The following ANKZF1 variants were observed in gnomAD, a reference collection of about 807,000 sequenced individuals.
ANKZF1 encodes tRNA endonuclease ANKZF1.
In ANKZF1, 84 loss-of-function variants were observed where a neutral mutation model predicts 86.0. That is an observed-to-expected ratio of 0.98 (90% CI 0.82 to 1.17). The LOEUF (loss-of-function observed/expected upper bound fraction) is 1.17. ANKZF1 is among the 50% of genes most tolerant of loss of function. ANKZF1 has a pLI of 0.00. For missense variants in ANKZF1, 893 were observed against 918.4 expected, an observed-to-expected ratio of 0.97 and a Z score of 0.36; for synonymous variants, 331 against 354.2, an observed-to-expected ratio of 0.93 and a Z score of 0.74.
rs201539288 is a variant in ANKZF1, at chr2:219,230,336, C to G, written c.79C>G (p.Gln27Glu). The change falls in exon 2 of 14, where the codon CAG becomes GAG. Residue 27 changes from glutamine to glutamate, a missense_variant. Gln to Glu is a conservative substitution (Grantham distance 29, BLOSUM62 2). Coordinates refer to ENST00000323348, the MANE Select transcript of ANKZF1 (RefSeq NM_018089.3). The part of the protein sequence containing the change: ...FDLSADAPVF[Q>E]GLSLVSHAPG... ...CCTCAGCGCGGATGCTCCGGTCTTT[C>G]AGGGCCTGAGCCTGGTGAGCCACGC... 2.4e-4 allele frequency: 391 copies of G among 1,614,126 alleles called. 1 individual carries two copies. The African/African-American group carries it at 4.8e-3, about 20-fold the overall frequency.
rs367763893 is a variant in ANKZF1, at chr2:219,232,377, G to C, written c.364+15G>C. The C allele has an allele frequency of 7.4e-6, 12 of 1,613,508 alleles. No individual in the cohort carries two copies. The highest frequency in any genetic ancestry group is 1.0e-5 in the Non-Finnish European group (12 of 1,179,528). On this transcript the variant is annotated intron_variant, in intron 4 of 13. Transcript: ENST00000323348. ...GAGCTCCACAGGTGATGAGTGGTAG[G>C]GGGACCTATGTAGGAGTAGGACATG...
At chr2:219,233,460 G>A (rs954627887) in intron 7 of ANKZF1, 27 bp downstream of exon 7, 7 of 1,565,280 alleles carry the variant, frequency 4.5e-6, no homozygotes, top group Middle Eastern at 1.7e-4. Flanking sequence ...AGATCTGGTG[G>A]TACTGATCCA....
intron 5 of ANKZF1, 137 bp from the exon 6 acceptor site, chr2:219,232,942 A>C (rs1023505542): frequency 3.1e-6 from 3 of 955,962 alleles, no homozygotes; most frequent in African/African-American, 3.3e-5. Context: ...CCAAGCCTCA[A>C]ATTTCCTTGT....
rs1178714250 is a variant in ANKZF1 at position 219,236,023 on chromosome 2, C to T, written c.1985C>T (p.Ala662Val). ...LSDREKRALA[A>V]ERRLAAQLGA... Reference sequence around the variant, plus strand: ...TGTCTCCCTCAGAGAGCTCTGGCTGCAGAGCGCCGACTCGCTGCCCAGTTG... The same window carrying T: ...TGTCTCCCTCAGAGAGCTCTGGCTGTAGAGCGCCGACTCGCTGCCCAGTTG... Residue 662 changes from alanine (A) to valine (V), a missense_variant, in exon 13 of 14, where the codon GCA becomes GTA. Coordinates refer to ENST00000323348, the MANE Select transcript of ANKZF1 (RefSeq NM_018089.3). 3.1e-6 allele frequency: 5 copies of T among 1,614,210 alleles called. No homozygotes were observed. The highest frequency in any genetic ancestry group is 2.2e-5 in the East Asian group (1 of 44,886).
chr2:219,234,307 A>G lies in ANKZF1; in HGVS notation c.1204+19A>G. 6.2e-7 allele frequency: 1 copy of G among 1,613,838 alleles called. No individual in the cohort carries two copies. The highest frequency in any genetic ancestry group is 1.1e-5 in the South Asian group (1 of 91,082). Reference sequence around the variant, plus strand: ...AAACAGGGTTTGATTACTATCTGGCAACTGTCAGATCTGAGTTTCTGTCCT... The same window carrying G: ...AAACAGGGTTTGATTACTATCTGGCGACTGTCAGATCTGAGTTTCTGTCCT... On this transcript the variant is annotated intron_variant, in intron 9 of 13. Coordinates refer to ENST00000323348, the MANE Select transcript of ANKZF1 (RefSeq NM_018089.3).
chr2:219,235,550 A>G lies in ANKZF1; in HGVS notation c.1768A>G (p.Lys590Glu), dbSNP rs1951187571. ...TRNEFRRFME[K>E]NPDAYDYNKA... ...TAATGAGTTCCGAAGGTTCATGGAG[A>G]AGAATCCAGATGCCTACGATTACAA... The change falls in exon 11 of 14, where the codon AAG (lysine) becomes GAG (glutamate). Residue 590 changes from lysine to glutamate, a missense_variant. Lys to Glu is a moderately conservative substitution (Grantham distance 56). Transcript: ENST00000323348. 2.5e-6 allele frequency: 4 copies of G among 1,614,010 alleles called. No individual in the cohort carries two copies. Among genetic ancestry groups the G allele is most frequent in the Non-Finnish European group, 3.4e-6 (4 of 1,180,014 alleles).
intron 11 of ANKZF1, 28 bp from the exon 12 acceptor site, chr2:219,235,680 A>T: frequency 1.2e-6 from 2 of 1,613,270 alleles, no homozygotes; most frequent in Non-Finnish European, 1.7e-6. Context: ...AAGATAACTT[A>T]TAGGGTCTTA....
Position 219,233,181 on chromosome 2 carries a change from A to G in ANKZF1, c.661A>G (p.Ile221Val), listed in dbSNP as rs761553640. The G allele has an allele frequency of 4.8e-5, 77 of 1,614,122 alleles. No homozygotes were observed. The highest frequency in any genetic ancestry group is 6.1e-5 in the Non-Finnish European group (72 of 1,180,042). ...MAAAGHFAGAIFQGREVVTHK... is the reference protein window; with the variant it reads ...MAAAGHFAGAVFQGREVVTHK... ...TGCAGCTGGGCACTTTGCTGGTGCT[A>G]TATTTCAAGGGTGAGAGGGTGCTGC... The change falls in exon 6 of 14, where the codon ATA (isoleucine) becomes GTA (valine). Residue 221 changes from isoleucine to valine, a missense_variant. Coordinates refer to ENST00000323348, the MANE Select transcript of ANKZF1 (RefSeq NM_018089.3).
In ANKZF1 at chr2:219,236,008, A is replaced by C. The variant is rs1951213030; in HGVS notation, c.1972-2A>C. ...GTCCTTAACACAACTTGTCTCCCTC[A>C]GAGAGCTCTGGCTGCAGAGCGCCGA... On this transcript the variant is annotated splice_acceptor_variant, in intron 12 of 13. Transcript: ENST00000323348. LOFTEE classifies it high-confidence loss of function. The C allele has an allele frequency of 1.2e-6, 2 of 1,614,070 alleles. No individual in the cohort carries two copies. The highest frequency in any genetic ancestry group is 1.7e-5 in the Admixed American group (1 of 60,000).
chr2:219,232,374 T>C lies in ANKZF1; in HGVS notation c.364+12T>C. The C allele has an allele frequency of 6.2e-7, 1 of 1,613,660 alleles. No homozygotes were observed. Among genetic ancestry groups the C allele is most frequent in the Non-Finnish European group, 8.5e-7 (1 of 1,179,540 alleles). On this transcript the variant is annotated intron_variant, in intron 4 of 13. Transcript: ENST00000323348. ...GCAGAGCTCCACAGGTGATGAGTGGTAGGGGGACCTATGTAGGAGTAGGAC... is the reference window on the plus strand; with the variant it reads ...GCAGAGCTCCACAGGTGATGAGTGGCAGGGGGACCTATGTAGGAGTAGGAC...
In ANKZF1 at chr2:219,232,562, G is replaced by A. The variant is rs202012817; in HGVS notation, c.437G>A (p.Arg146Gln). 786 of 1,614,062 alleles carry A rather than the reference G, an allele frequency of 4.9e-4. No individual in the cohort carries two copies. The highest frequency in any genetic ancestry group is 6.3e-4 in the Non-Finnish European group (744 of 1,180,048). Residue 146 changes from arginine to glutamine, a missense_variant, in exon 5 of 14, where the codon CGG (arginine) becomes CAG (glutamine). Arg to Gln is a conservative substitution (Grantham distance 43, BLOSUM62 1). Coordinates refer to ENST00000323348, the MANE Select transcript of ANKZF1 (RefSeq NM_018089.3). ...ASEEDLQTLDRERATFEKLSR... is the reference protein window; with the variant it reads ...ASEEDLQTLDQERATFEKLSR... ...GAGGAGGACTTGCAGACACTGGATC[G>A]GGAGAGGGCTACATTTGAGAAGTTG...
chr2:219,232,802 C>T (rs1357225539), intron 5 of ANKZF1, 119 bp downstream of exon 5: 6 of 1,124,088 alleles, frequency 5.3e-6, no homozygotes, highest in Middle Eastern at 2.7e-4. Flanking sequence ...GTGGGTATCA[C>T]GCTTGACAAC....
chr2:219,230,785 C>G (rs766255760), intron 2 of ANKZF1: 26 of 158,082 alleles, frequency 1.6e-4, no homozygotes, highest in South Asian at 4.9e-4. Context: ...GTCGCCCAGG[C>G]TAAAGTGCAG....
At position 219,230,318 on chromosome 2, in the gene ANKZF1, G is replaced by C; in HGVS notation, c.61G>C (p.Ala21Pro). 6.2e-7 allele frequency: 1 copy of C among 1,614,126 alleles called. No homozygotes were observed. The highest frequency in any genetic ancestry group is 8.5e-7 in the Non-Finnish European group (1 of 1,179,998). Residue 21 changes from alanine (A) to proline (P), a missense_variant, in exon 2 of 14, where the codon GCG becomes CCG. Physicochemically the swap from Ala to Pro is conservative, Grantham distance 27. Coordinates refer to ENST00000323348, the MANE Select transcript of ANKZF1 (RefSeq NM_018089.3). ...PASISLFDLSADAPVFQGLSL... is the reference protein window; with the variant it reads ...PASISLFDLSPDAPVFQGLSL... ...GTCGATCTCCCTGTTTGACCTCAGC[G>C]CGGATGCTCCGGTCTTTCAGGGCCT...
In ANKZF1 at chr2:219,231,892, T is replaced by C. The variant is rs759157227; in HGVS notation, c.149-36T>C. The C allele has an allele frequency of 1.5e-5, 24 of 1,555,598 alleles. No homozygotes were observed. The African/African-American group carries it at 3.0e-4, about 19-fold the overall frequency. On this transcript the variant is annotated intron_variant, in intron 2 of 13. Coordinates refer to ENST00000323348, the MANE Select transcript of ANKZF1 (RefSeq NM_018089.3). ...AATTCTTGTCACTGTGGATTTGGGC[T>C]CCCTTTCTATGTCCAATTCCTCTTC...
chr2:219,232,916 C>A (rs570138855), intron 5 of ANKZF1, 163 bp from the exon 6 acceptor site: 6 of 837,732 alleles, frequency 7.2e-6, no homozygotes, highest in Non-Finnish European at 1.1e-5. Context: ...TCTACCACTT[C>A]ATCTTGACTG....
rs1048678344 is a variant in ANKZF1 at position 219,236,589 on chromosome 2, C to G, written c.*144C>G. 9.0e-7 allele frequency: 1 copy of G among 1,107,340 alleles called. No individual in the cohort carries two copies. The highest frequency in any genetic ancestry group is 2.5e-5 in the East Asian group (1 of 40,232). The allele number at this position is 1,107,340 out of a possible 1,614,324, so 68.6% of individuals were successfully genotyped here. A position where few individuals can be genotyped will look rare whatever the true frequency, so the allele number is the denominator to read the frequency against. On this transcript the variant is annotated 3_prime_UTR_variant, in exon 14 of 14. Transcript: ENST00000323348. ...CTCGGGAACTAGGGCAAAGACAGGG[C>G]TAGAGGTATGTGGAGCTGGTACTGT...
Position 219,235,891 on chromosome 2 carries a change from C to A in ANKZF1, c.1971+16C>A. On this transcript the variant is annotated intron_variant, in intron 12 of 13. Transcript: ENST00000323348. ...CCGAGAGAAGGTGAGGCTGGAGGTT[C>A]TCTTGTCCATGGCAAGGCTTCCTAG... 1 of 1,613,994 alleles carries A rather than the reference C, an allele frequency of 6.2e-7. No homozygotes were observed. The highest frequency in any genetic ancestry group is 8.5e-7 in the Non-Finnish European group (1 of 1,179,848).
intron 13 of ANKZF1, 57 bp from the exon 14 acceptor site, chr2:219,236,265 C>T (rs1317234674): frequency 6.8e-6 from 11 of 1,611,506 alleles, no homozygotes; most frequent in Middle Eastern, 1.6e-4. Flanking sequence ...ACGGGGAGAG[C>T]GTGGATTGGA....
Sources: allele counts gnomAD v4.1 joint callset, GRCh38; gene constraint gnomAD v4.1.1; transcripts MANE v1.5; gene names NCBI Gene and HGNC (gene_info 2026-07-23, HGNC 2026-07-21).